Variants in RDM1 observed in about 807,000 individuals in gnomAD.
RDM1 encodes RAD52 motif-containing protein 1.
In RDM1, 28 loss-of-function variants were observed where a neutral mutation model predicts 27.7. That is an observed-to-expected ratio of 1.01 (90% CI 0.75 to 1.39). The LOEUF (loss-of-function observed/expected upper bound fraction) is 1.39. Ranked by LOEUF, RDM1 falls within the 40% of genes most tolerant of loss-of-function variation. RDM1 has a pLI of 0.00. For missense variants in RDM1, 277 were observed against 337.3 expected (o/e 0.82, Z 1.40); for synonymous variants, 124 against 127.5 (o/e 0.97, Z 0.19).
chr17:35,928,398 T>C (rs755306631), intron 2 of RDM1, among the ~76,000 whole-genome samples: 1 of 152,208 alleles, frequency 6.6e-6, no homozygotes, highest in Non-Finnish European at 1.5e-5. Context: ...GTGATGATGA[T>C]GATACAGTCT....
chr17:35,919,033 G>A (rs977245675), intron 6 of RDM1, among the ~76,000 whole-genome samples: 1 of 152,164 alleles, frequency 6.6e-6, no homozygotes, highest in Admixed American at 6.5e-5. Context: ...AATCAGTGCT[G>A]ACTTTCTCTC....
At chr17:35,925,164 T>TA (rs2089096577) in intron 3 of RDM1, among the ~76,000 whole-genome samples, 1 of 151,344 alleles carries the variant, frequency 6.6e-6, no homozygotes, top group African/African-American at 2.4e-5. Flanking sequence ...AAAAACCCAA[T>TA]AAAAAAAAGA....
At chr17:35,927,115 C>CAAAAAAAAAA (rs955692533) in intron 2 of RDM1, among the ~76,000 whole-genome samples, 1 of 75,474 alleles carries the variant, frequency 1.3e-5, no homozygotes, top group African/African-American at 4.9e-5. Context: ...TTCATTTCAC[C>CAAAAAAAAAA]AAAAAAAAAA....
chr17:35,922,259 A>C, intron 5 of RDM1: 1 of 276,510 alleles, frequency 3.6e-6, no homozygotes, highest in East Asian at 6.9e-5. Flanking sequence ...GTTAGGACTC[A>C]AATCCATGCG....
intron 3 of RDM1, among the ~76,000 whole-genome samples, chr17:35,925,110 A>G (rs1283115497): frequency 6.6e-6 from 1 of 152,102 alleles, no homozygotes; most frequent in Non-Finnish European, 1.5e-5. Context: ...CTCCAGCCTG[A>G]TGACACAGCG....
chr17:35,923,063 C>T (rs2089004115), intron 4 of RDM1, among the ~76,000 whole-genome samples: 1 of 152,180 alleles, frequency 6.6e-6, no homozygotes, highest in African/African-American at 2.4e-5. Flanking sequence ...GCCTGTAATC[C>T]CAGCACCTGG....
chr17:35,924,252 T>G (rs2089054214), intron 4 of RDM1, among the ~76,000 whole-genome samples: 1 of 152,044 alleles, frequency 6.6e-6, no homozygotes, highest in African/African-American at 2.4e-5. Context: ...AAAAAAATCT[T>G]TAGATGGTTT....
rs1183287558 is a variant in RDM1, at chr17:35,920,238, A to G, written c.702T>C (p.Ser234=). ...SGKIAVEYRP[S]EDIVGVRCEE... is the part of the protein sequence containing the mutation. ...CGCATCTGACACCTACGATGTCTTC[A>G]CTGGGTCTGTACTCCACAGCTATTT... Residue 234 remains serine (S), a synonymous_variant, in exon 6 of 7, where the codon AGT becomes AGC. Coordinates refer to ENST00000620284, the MANE Select transcript of RDM1 (RefSeq NM_145654.4). 6.2e-7 allele frequency: 1 copy of G among 1,601,878 alleles called. No homozygotes were observed. The highest frequency in any genetic ancestry group is 1.3e-5 in the African/African-American group (1 of 74,532).
chr17:35,925,656 G>A lies in RDM1; in HGVS notation c.277-19C>T. The A allele has an allele frequency of 1.2e-6, 2 of 1,601,550 alleles. No homozygotes were observed. The highest frequency in any genetic ancestry group is 2.2e-5 in the South Asian group (2 of 89,762). On this transcript the variant is annotated intron_variant, in intron 2 of 6. Coordinates refer to ENST00000620284, the MANE Select transcript of RDM1 (RefSeq NM_145654.4). ...GACGAACCTAAAATCATAGGAGATA[G>A]ACCCATAAATATCACAACCGCTAGA...
At chr17:35,925,413 A>C in intron 3 of RDM1, 102 bp downstream of exon 3, 2 of 1,327,472 alleles carry the variant, frequency 1.5e-6, no homozygotes, top group Admixed American at 2.1e-5. Flanking sequence ...GAGGCCTCTC[A>C]CATCTCCTCC....
chr17:35,922,404 T>C (rs1239730791), intron 5 of RDM1, 173 bp downstream of exon 5: 2 of 770,228 alleles, frequency 2.6e-6, no homozygotes, highest in Non-Finnish European at 2.0e-6. Context: ...TCATTTTTTT[T>C]CACAAATGTC....
intron 4 of RDM1, among the ~76,000 whole-genome samples, chr17:35,923,880 A>G (rs1381632547): frequency 6.6e-6 from 1 of 151,994 alleles, no homozygotes; most frequent in Non-Finnish European, 1.5e-5. Context: ...TTTTATGAGT[A>G]AAAAAAGGAA....
intron 2 of RDM1, 43 bp from the exon 3 acceptor site, chr17:35,925,680 G>A: frequency 6.4e-7 from 1 of 1,571,058 alleles, no homozygotes. Context: ...ACAACCGCTA[G>A]AGATTTTATT....
intron 4 of RDM1, 78 bp downstream of exon 4, chr17:35,924,526 G>A: frequency 6.8e-7 from 1 of 1,467,332 alleles, no homozygotes; most frequent in South Asian, 1.4e-5. Flanking sequence ...GAAAAGATGA[G>A]TTTTGGAAAG....
At chr17:35,924,554 T>A in intron 4 of RDM1, 50 bp downstream of exon 4, 1 of 1,542,970 alleles carries the variant, frequency 6.5e-7, no homozygotes, top group Non-Finnish European at 8.8e-7. Flanking sequence ...AAAAGAAAGA[T>A]CCTTTCCACT....
At chr17:35,920,488 C>CTCACTCTG (rs2088905109) in intron 5 of RDM1, among the ~76,000 whole-genome samples, 2 of 139,076 alleles carry the variant, frequency 1.4e-5, no homozygotes, top group Non-Finnish European at 3.0e-5. Context: ...GACAGGGTCT[C>CTCACTCTG]TCACTCTGTC....
Position 35,918,351 on chromosome 17 carries a change from T to G in RDM1, c.846A>C (p.Glu282Asp). Reference protein sequence around the residue: ...SLEEEEFRLPELD With the variant: ...SLEEEEFRLPDLD ...GGGATATTCAGAAATGCTAGTCAAG[T>G]TCTGGCAGCCTGAACTCTTCCTCCT... The change falls in exon 7 of 7, where the codon GAA (glutamate) becomes GAC (aspartate). Residue 282 changes from glutamate to aspartate, a missense_variant. Glu to Asp is a conservative substitution (Grantham distance 45). Coordinates refer to ENST00000620284, the MANE Select transcript of RDM1 (RefSeq NM_145654.4). The G allele has an allele frequency of 6.2e-7, 1 of 1,613,498 alleles. No individual in the cohort carries two copies. Among genetic ancestry groups the G allele is most frequent in the South Asian group, 1.1e-5 (1 of 91,044 alleles).
rs377482196 is a variant in RDM1 at position 35,926,962 on chromosome 17, G to A, written c.277-1325C>T. On this transcript the variant is annotated intron_variant, in intron 2 of 6. Transcript: ENST00000620284. Reference sequence around the variant, plus strand: ...AAGAAATAAAGACCAGTTTTTAAACGTTGAGTGCCACTGGCGAGACCGGCC... The same window carrying A: ...AAGAAATAAAGACCAGTTTTTAAACATTGAGTGCCACTGGCGAGACCGGCC... Among the ~76,000 whole-genome samples the A allele has an allele frequency of 2.0e-5, 3 of 152,054 alleles. No individual in the cohort carries two copies. In the South Asian group the frequency reaches 6.2e-4, roughly 32 times the overall value.
chr17:35,928,302 G>A (rs1360139118), intron 2 of RDM1, among the ~76,000 whole-genome samples: 2 of 152,144 alleles, frequency 1.3e-5, no homozygotes, highest in African/African-American at 2.4e-5. Context: ...CTACAATACC[G>A]CTTAAAGAAT....
Sources: allele counts gnomAD v4.1 joint callset (sites outside exome capture counted in the v4.1 genomes callset), GRCh38; gene constraint gnomAD v4.1.1; transcripts MANE v1.5; gene names NCBI Gene and HGNC (gene_info 2026-07-23, HGNC 2026-07-21).